RAB27A: variants seen among roughly 807,000 people sequenced by gnomAD.
RAB27A encodes the protein RAB27A, member RAS oncogene family.
RAB27A carries 17 observed loss-of-function variants against 20.8 expected under a neutral mutation model. The ratio of observed to expected loss-of-function variants is 0.82; its 90% CI spans 0.56 to 1.23. RAB27A has a LOEUF of 1.23. Among genes scored for constraint, RAB27A ranks in the 50% most tolerant of loss-of-function variants. The pLI is 0.00. For synonymous variants in RAB27A, 85 were observed against 92.8 expected (o/e 0.92, Z 0.48); for missense variants, 277 against 266.7 (o/e 1.04, Z -0.27).
intron 6 of RAB27A, among the ~76,000 whole-genome samples, chr15:55,213,913 A>G (rs1895143295): frequency 6.6e-6 from 1 of 152,170 alleles, no homozygotes. Flanking sequence ...TCATTCCAAA[A>G]CCACCCACAC....
intron 1 of RAB27A, among the ~76,000 whole-genome samples, chr15:55,284,239 AG>A (rs1898090525): frequency 6.6e-6 from 1 of 152,246 alleles, no homozygotes; most frequent in Admixed American, 6.5e-5. Context: ...CTAGTGAGCA[AG>A]TCACATACAC....
chr15:55,259,383 T>C (rs59641615), intron 2 of RAB27A, among the ~76,000 whole-genome samples: 2,114 of 152,100 alleles, frequency 0.014, 53 homozygotes, highest in African/African-American at 0.049. Flanking sequence ...CTTCTCAGGC[T>C]CAAGTGATCC....
At chr15:55,205,898 A>C (rs1306886992) in intron 6 of RAB27A, among the ~76,000 whole-genome samples, 193 bp from the exon 7 acceptor site, 1 of 152,154 alleles carries the variant, frequency 6.6e-6, no homozygotes, top group Admixed American at 6.5e-5. Context: ...GATATGCAAA[A>C]CTGGAAATTT....
In RAB27A at chr15:55,252,785, TA is replaced by T. The variant is rs898889395; in HGVS notation, c.-23+17379del. Among the ~76,000 whole-genome samples the T allele has an allele frequency of 4.3e-4, 66 of 152,302 alleles. 2 individuals carry two copies. Among genetic ancestry groups the T allele is most frequent in the African/African-American group, 1.5e-3 (63 of 41,562 alleles). On this transcript the variant is annotated intron_variant, in intron 2 of 6. Transcript: ENST00000336787. ...AAGCCAGAGAAATGTTCTAACCTTCTAAGTTACAGCAATTTATTCAATCAAC... is the reference window on the plus strand; with the variant it reads ...AAGCCAGAGAAATGTTCTAACCTTCTAGTTACAGCAATTTATTCAATCAAC...
intron 6 of RAB27A, among the ~76,000 whole-genome samples, chr15:55,217,663 C>CAAAA (rs199813098): frequency 0.016 from 695 of 43,466 alleles, 112 homozygotes; most frequent in African/African-American, 0.056. Flanking sequence ...CACTCCATCT[C>CAAAA]AAAAAAAAAA....
chr15:55,295,655 G>C (rs761508548), intron 2 of RAB27A, among the ~76,000 whole-genome samples: 11 of 152,168 alleles, frequency 7.2e-5, no homozygotes, highest in Non-Finnish European at 1.6e-4. Flanking sequence ...TAAATCCATA[G>C]AGACAGAAAG....
Position 55,228,731 on chromosome 15 carries a change from A to G in RAB27A, c.240-19T>C. 5 of 1,565,842 alleles carry G rather than the reference A, an allele frequency of 3.2e-6. No homozygotes were observed. Among genetic ancestry groups the G allele is most frequent in the Middle Eastern group, 3.3e-4 (2 of 5,978 alleles). On this transcript the variant is annotated intron_variant, in intron 4 of 6. Transcript: ENST00000336787. ...ACGAAACCTAGGAACATAAAAGCAG[A>G]ATGGTCAGTTAAACCACGGCCCCAC...
intron 1 of RAB27A, among the ~76,000 whole-genome samples, chr15:55,274,829 T>TAGAG (rs1555399479): frequency 9.4e-5 from 13 of 139,008 alleles, no homozygotes; most frequent in African/African-American, 3.4e-4. Flanking sequence ...TATATATGTA[T>TAGAG]AGAGAGAGAC....
intron 2 of RAB27A, among the ~76,000 whole-genome samples, chr15:55,295,184 G>C (rs1040280215): frequency 3.3e-5 from 5 of 152,036 alleles, no homozygotes; most frequent in East Asian, 1.9e-4. Context: ...GAAAAAGCAA[G>C]AGAAAGAGAA....
chr15:55,224,619 AT>A (rs746025006), intron 5 of RAB27A, among the ~76,000 whole-genome samples: 20 of 152,344 alleles, frequency 1.3e-4, no homozygotes, highest in South Asian at 8.3e-4. Flanking sequence ...GAGGACTATA[AT>A]TCTTATTCCG....
intron 1 of RAB27A, among the ~76,000 whole-genome samples, chr15:55,276,940 T>C (rs996736676): frequency 6.6e-6 from 1 of 152,144 alleles, no homozygotes. Flanking sequence ...CCCAAATTCA[T>C]CAAGATGTAT....
chr15:55,210,123 T>C (rs1894923987), intron 6 of RAB27A, among the ~76,000 whole-genome samples: 1 of 137,646 alleles, frequency 7.3e-6, no homozygotes. Context: ...TACACATATG[T>C]ATATATAGTG....
intron 2 of RAB27A, among the ~76,000 whole-genome samples, chr15:55,258,624 A>G (rs986720096): frequency 6.6e-6 from 1 of 152,222 alleles, no homozygotes; most frequent in African/African-American, 2.4e-5. Context: ...ATTGCTGTCC[A>G]ATATAGTTGT....
At chr15:55,235,830 C>T (rs1485551898) in intron 2 of RAB27A, among the ~76,000 whole-genome samples, 1 of 151,996 alleles carries the variant, frequency 6.6e-6, no homozygotes. Flanking sequence ...ACTACTCAGC[C>T]ACAAAAAGGA....
chr15:55,259,478 G>A (rs1201319660), intron 2 of RAB27A, among the ~76,000 whole-genome samples: 2 of 150,070 alleles, frequency 1.3e-5, no homozygotes, highest in African/African-American at 4.9e-5. Context: ...GTAGAGATGG[G>A]GTCTCACTAT....
intron 2 of RAB27A, among the ~76,000 whole-genome samples, chr15:55,266,564 T>C (rs1295236222): frequency 6.6e-6 from 1 of 152,134 alleles, no homozygotes; most frequent in Non-Finnish European, 1.5e-5. Context: ...ATAAATGGTA[T>C]AACATTAACT....
intron 6 of RAB27A, among the ~76,000 whole-genome samples, chr15:55,218,096 A>G (rs1225327797): frequency 6.6e-6 from 1 of 152,238 alleles, no homozygotes; most frequent in Admixed American, 6.5e-5. Flanking sequence ...GTTGCCAGGA[A>G]TAACAGCAAG....
At chr15:55,244,921 G>A (rs1381157354) in intron 2 of RAB27A, among the ~76,000 whole-genome samples, 1 of 152,036 alleles carries the variant, frequency 6.6e-6, no homozygotes, top group Non-Finnish European at 1.5e-5. Flanking sequence ...GGCTTTTCTT[G>A]CTTTTTTTGT....
chr15:55,277,326 G>A (rs1199248102), intron 1 of RAB27A, among the ~76,000 whole-genome samples: 1 of 152,106 alleles, frequency 6.6e-6, no homozygotes, highest in Non-Finnish European at 1.5e-5. Context: ...AACAGCCCTT[G>A]TAAAACAACG....
Sources: gnomAD v4.1 joint callset for allele counts (sites outside exome capture counted in the v4.1 genomes callset) on GRCh38, gnomAD v4.1.1 for gene constraint, MANE v1.5 for transcripts, NCBI Gene and HGNC (gene_info 2026-07-23, HGNC 2026-07-21) for gene names.